The following MED13L variants were observed in gnomAD, a reference collection of about 807,000 sequenced individuals.
MED13L encodes the protein mediator of RNA polymerase II transcription subunit 13-like.
In MED13L, 7 loss-of-function variants were observed where a neutral mutation model predicts 220.9. The ratio of observed to expected loss-of-function variants is 0.03; its 90% confidence interval spans 0.02 to 0.06. The LOEUF (loss-of-function observed/expected upper bound fraction) is 0.06. MED13L is among the 10% of genes least tolerant of loss of function. MED13L has a pLI of 1.00. For synonymous variants in MED13L, 1,011 were observed against 1,015.2 expected (o/e 1.00, Z 0.08); for missense variants, 1,965 against 2,760.5 (o/e 0.71, Z 6.46).
chr12:116,030,298 A>G (rs1054417080), intron 4 of MED13L, among the ~76,000 whole-genome samples: 1 of 152,138 alleles, frequency 6.6e-6, no homozygotes, highest in Admixed American at 6.6e-5. Flanking sequence ...TTTAAAGGTT[A>G]AAATAAAATC....
intron 4 of MED13L, among the ~76,000 whole-genome samples, chr12:116,054,803 T>C (rs1264449610): frequency 2.0e-5 from 3 of 152,168 alleles, no homozygotes; most frequent in East Asian, 1.9e-4. Flanking sequence ...GCAGTATCTA[T>C]TAAAGCTGAA....
chr12:116,041,906 C>T (rs1031958052), intron 4 of MED13L, among the ~76,000 whole-genome samples: 4 of 152,076 alleles, frequency 2.6e-5, no homozygotes, highest in African/African-American at 7.2e-5. Flanking sequence ...CTTAAAGCCA[C>T]CCAACATGAC....
intron 4 of MED13L, among the ~76,000 whole-genome samples, chr12:116,050,866 G>C (rs769609392): frequency 2.0e-5 from 3 of 152,058 alleles, no homozygotes; most frequent in Non-Finnish European, 4.4e-5. Flanking sequence ...TTGAACCTGG[G>C]AGATGGAGCT....
chr12:116,199,607 C>T (rs1881865724), intron 2 of MED13L, among the ~76,000 whole-genome samples: 1 of 152,020 alleles, frequency 6.6e-6, no homozygotes, highest in African/African-American at 2.4e-5. Context: ...CACTGATTGC[C>T]CTAAAGCACT....
At chr12:115,975,408 C>G (rs1474873474) in intron 24 of MED13L, 95 bp from the exon 25 acceptor site, 7 of 1,598,852 alleles carry the variant, frequency 4.4e-6, no homozygotes, top group Non-Finnish European at 5.1e-6. Flanking sequence ...TCCAAAGAAC[C>G]TATCCATGCT....
chr12:116,241,848 T>A (rs1401695221), intron 1 of MED13L, among the ~76,000 whole-genome samples: 1 of 152,158 alleles, frequency 6.6e-6, no homozygotes, highest in Non-Finnish European at 1.5e-5. Context: ...TAACTAAGTA[T>A]AAAATGGGTG....
intron 4 of MED13L, among the ~76,000 whole-genome samples, chr12:116,073,913 A>T (rs1593012643): frequency 2.0e-5 from 3 of 152,204 alleles, no homozygotes; most frequent in Admixed American, 2.0e-4. Flanking sequence ...TTTCAACGTA[A>T]GATTCATCCT....
chr12:116,080,086 C>G (rs191153012), intron 4 of MED13L, among the ~76,000 whole-genome samples: 17 of 151,482 alleles, frequency 1.1e-4, no homozygotes, highest in Admixed American at 7.9e-4. Flanking sequence ...TGGCCCAAGA[C>G]AATTCTTCTT....
chr12:116,219,244 G>C (rs1298713022), intron 2 of MED13L, among the ~76,000 whole-genome samples: 2 of 152,022 alleles, frequency 1.3e-5, no homozygotes, highest in Non-Finnish European at 2.9e-5. Context: ...CAAGGAAAGT[G>C]AAATAAAGAG....
At chr12:116,144,013 A>T (rs1318468049) in intron 2 of MED13L, among the ~76,000 whole-genome samples, 1 of 152,208 alleles carries the variant, frequency 6.6e-6, no homozygotes, top group African/African-American at 2.4e-5. Flanking sequence ...GATTACCCAG[A>T]GCCACAGAAC....
intron 23 of MED13L, among the ~76,000 whole-genome samples, chr12:115,978,328 T>TTC (rs1388126965): frequency 2.8e-5 from 4 of 145,400 alleles, no homozygotes; most frequent in African/African-American, 1.0e-4. Context: ...TTTTTTTTCT[T>TTC]TTTTTTTTTT....
chr12:116,253,674 G>C (rs982964909), intron 1 of MED13L, among the ~76,000 whole-genome samples: 1 of 137,808 alleles, frequency 7.3e-6, no homozygotes, highest in African/African-American at 2.7e-5. Flanking sequence ...CATATTAAAA[G>C]AACAAAACCT....
chr12:116,035,695 A>G (rs1881149103), intron 4 of MED13L, among the ~76,000 whole-genome samples: 1 of 152,038 alleles, frequency 6.6e-6, no homozygotes, highest in Non-Finnish European at 1.5e-5. Context: ...AGATCCAGCG[A>G]TTCTCCCACC....
intron 19 of MED13L, among the ~76,000 whole-genome samples, chr12:115,984,709 TAACTGAGACATATGCC>T (rs1461841267): frequency 3.9e-5 from 6 of 152,204 alleles, no homozygotes; most frequent in African/African-American, 2.4e-5. Flanking sequence ...CTACTGTTGC[TAACTGAGACATATGCC>T]CACTAAAATC....
chr12:115,986,304 C>T lies in MED13L; in HGVS notation c.4300G>A (p.Ala1434Thr), dbSNP rs1363042572. The T allele has an allele frequency of 6.2e-7, 1 of 1,614,144 alleles. No homozygotes were observed. The highest frequency in any genetic ancestry group is 8.5e-7 in the Non-Finnish European group (1 of 1,180,016). The change falls in exon 19 of 31, where the codon GCC becomes ACC. Residue 1434 changes from alanine to threonine, a missense_variant. Coordinates refer to ENST00000281928, the MANE Select transcript of MED13L (RefSeq NM_015335.5). ...CPENEALLEG[A>T]KTFFRDLSAV... ...CTCAAGTCCCTGAAGAAAGTTTTGG[C>T]TCCTTCGAGCAAGGCCTCATTTTCT... is the stretch of plus-strand genomic sequence containing the variant.
chr12:116,149,679 G>A lies in MED13L; in HGVS notation c.311-38167C>T, dbSNP rs866472133. On this transcript the variant is annotated intron_variant, in intron 2 of 30. Coordinates refer to ENST00000281928, the MANE Select transcript of MED13L (RefSeq NM_015335.5). ...AAAGGGTGGGTAACATTTAGAATAA[G>A]TAAACAGGGAGATTAAGGAAAGACG... Among the ~76,000 whole-genome samples, 7 of 152,294 alleles carry A rather than the reference G, an allele frequency of 4.6e-5. No individual in the cohort carries two copies. The South Asian group carries it at 1.4e-3, about 32-fold the overall frequency.
chr12:115,989,401 TG>T (rs752780673), intron 17 of MED13L, among the ~76,000 whole-genome samples: 47 of 152,178 alleles, frequency 3.1e-4, no homozygotes, highest in Admixed American at 9.2e-4. Flanking sequence ...CTTCCTTCTC[TG>T]CTTGATAGGC....
chr12:116,061,408 G>A (rs879066923), intron 4 of MED13L, among the ~76,000 whole-genome samples: 4 of 151,888 alleles, frequency 2.6e-5, no homozygotes, highest in Admixed American at 1.3e-4. Context: ...ATACAATTAG[G>A]CAGAACTGAG....
At chr12:116,189,885 T>C (rs1881151558) in intron 2 of MED13L, among the ~76,000 whole-genome samples, 1 of 152,210 alleles carries the variant, frequency 6.6e-6, no homozygotes, top group East Asian at 1.9e-4. Flanking sequence ...TTTATTTTGT[T>C]GTACCCTGTG....
Sources: allele counts gnomAD v4.1 joint callset (sites outside exome capture counted in the v4.1 genomes callset), GRCh38; gene constraint gnomAD v4.1.1; transcripts MANE v1.5; gene names NCBI Gene and HGNC (gene_info 2026-07-23, HGNC 2026-07-21).